The following IMPDH2 variants were observed in gnomAD, a reference collection of about 807,000 sequenced individuals.
IMPDH2 encodes inosine-5'-monophosphate dehydrogenase 2.
Under a neutral mutation model 57.8 loss-of-function variants are expected in IMPDH2, and 33 were observed. The observed-to-expected ratio is 0.57, with a 90% CI of 0.43 to 0.76. IMPDH2 has a LOEUF of 0.76. Among genes scored for constraint, IMPDH2 ranks in the 30% least tolerant of loss-of-function variants. The pLI is 0.00. For missense variants in IMPDH2, 446 were observed against 659.1 expected, an observed-to-expected ratio of 0.68 and a Z score of 3.54; for synonymous variants, 270 against 241.3, an observed-to-expected ratio of 1.12 and a Z score of -1.10.
At chr3:49,026,073 A>C in intron 9 of IMPDH2, 1 of 608,830 alleles carries the variant, frequency 1.6e-6, no homozygotes, top group Non-Finnish European at 3.1e-6. Context: ...GCCACTAAAT[A>C]AAACAAACAG....
Position 49,029,127 on chromosome 3 carries a change from G to C in IMPDH2, c.98+126C>G, listed in dbSNP as rs768337472. The C allele has an allele frequency of 9.8e-5, 74 of 758,248 alleles. No homozygotes were observed. In the Admixed American group the frequency reaches 1.4e-3, roughly 15 times the overall value. The allele number at this position is 758,248 out of a possible 1,614,324, so 47.0% of individuals were successfully genotyped here. A position where few individuals can be genotyped will look rare whatever the true frequency, so the allele number is the denominator to read the frequency against. On this transcript the variant is annotated intron_variant, in intron 1 of 13. Coordinates refer to ENST00000326739, the MANE Select transcript of IMPDH2 (RefSeq NM_000884.3). Reference sequence around the variant, plus strand: ...ATGTCTCAAAGTGAGCCCCGGAGGTGGGTGGCCAATTCCCGAAACCTGTCC... The same window carrying C: ...ATGTCTCAAAGTGAGCCCCGGAGGTCGGTGGCCAATTCCCGAAACCTGTCC...
rs765026618 is a variant in IMPDH2 at position 49,026,740 on chromosome 3, C to T, written c.766G>A (p.Asp256Asn). ...CGAAIGTHED[D>N]KYRLDLLAQA... ...GCGAGCAAGTCCAGCCTATACTTGT[C>T]ATCCTCATGAGTGCCAATGGCTGCC... The change falls in exon 7 of 14, where the codon GAC becomes AAC. Residue 256 changes from aspartate to asparagine, a missense_variant. Transcript: ENST00000326739. The T allele has an allele frequency of 3.1e-6, 5 of 1,614,118 alleles. No homozygotes were observed. In the East Asian group the frequency reaches 8.9e-5, roughly 29 times the overall value.
Position 49,026,383 on chromosome 3 carries a change from G to C in IMPDH2, c.947C>G (p.Ala316Gly). The C allele has an allele frequency of 6.2e-7, 1 of 1,613,768 alleles. No homozygotes were observed. The highest frequency in any genetic ancestry group is 8.5e-7 in the Non-Finnish European group (1 of 1,179,814). ...GCCCACCCGCAGGGCATCCACACCT[G>C]CATCAATGAGGTTCTTGGCCTGGGC... ...TAAQAKNLID[A>G]GVDALRVGMG... Residue 316 changes from alanine to glycine, a missense_variant, in exon 9 of 14, where the codon GCA (alanine) becomes GGA (glycine). Physicochemically the swap from Ala to Gly is moderately conservative, Grantham distance 60. Coordinates refer to ENST00000326739, the MANE Select transcript of IMPDH2 (RefSeq NM_000884.3).
In IMPDH2 at chr3:49,026,366, G is replaced by A. The variant is rs766946451; in HGVS notation, c.964C>T (p.Arg322Trp). The change falls in exon 9 of 14, where the codon CGG becomes TGG. Residue 322 changes from arginine (R) to tryptophan (W), a missense_variant. Coordinates refer to ENST00000326739, the MANE Select transcript of IMPDH2 (RefSeq NM_000884.3). ...ATGGAGCCACTTCCCATGCCCACCC[G>A]CAGGGCATCCACACCTGCATCAATG... is the stretch of plus-strand genomic sequence containing the variant. ...NLIDAGVDAL[R>W]VGMGSGSICI... 3 of 1,613,524 alleles carry A rather than the reference G, an allele frequency of 1.9e-6. No individual in the cohort carries two copies. Among genetic ancestry groups the A allele is most frequent in the Non-Finnish European group, 2.5e-6 (3 of 1,179,750 alleles).
At position 49,025,023 on chromosome 3, in the gene IMPDH2, GGA is replaced by G; in HGVS notation, c.1166_1167del (p.Leu389ProfsTer6). ...CCAGGGGCCTCAGTGGTGGCAGCCAGGAGAGAGCCCATCATGACTGCGGACAG... is the reference window on the plus strand; with the variant it reads ...CCAGGGGCCTCAGTGGTGGCAGCCAGGAGAGCCCATCATGACTGCGGACAG... ...LGASTVMMGS[L>X]LAATTEAPGE... On this transcript the variant is annotated frameshift_variant, in exon 11 of 14. Transcript: ENST00000326739. LOFTEE classifies it high-confidence loss of function. 1.2e-6 allele frequency: 2 copies of G among 1,614,286 alleles called. No homozygotes were observed. The highest frequency in any genetic ancestry group is 1.7e-6 in the Non-Finnish European group (2 of 1,180,056).
At position 49,026,342 on chromosome 3, in the gene IMPDH2, T is replaced by C. The variant is rs766349102; in HGVS notation, c.988A>G (p.Ile330Val). 2 of 1,612,048 alleles carry C rather than the reference T, an allele frequency of 1.2e-6. No homozygotes were observed. Among genetic ancestry groups the C allele is most frequent in the South Asian group, 1.1e-5 (1 of 90,716 alleles). The part of the protein sequence containing the change: ...ALRVGMGSGS[I>V]CITQEVLACG... The stretch of plus-strand genomic sequence containing the variant: ...TTCTTACCTTCCTGCGTAATGCAGA[T>C]GGAGCCACTTCCCATGCCCACCCGC... Residue 330 changes from isoleucine (I) to valine (V), a missense_variant, in exon 9 of 14, where the codon ATC becomes GTC. Ile to Val is a conservative substitution (Grantham distance 29, BLOSUM62 3). Transcript: ENST00000326739.
chr3:49,024,384 C>T lies in IMPDH2; in HGVS notation c.1544G>A (p.Ter515=). The T allele has an allele frequency of 1.9e-6, 3 of 1,614,004 alleles. No individual in the cohort carries two copies. The highest frequency in any genetic ancestry group is 2.5e-6 in the Non-Finnish European group (3 of 1,179,988). ...CGAGGAGGTGTGCTGGATCCCTTTT[C>T]AGAAAAGCCGCTTCTCATACCTGCA... ...SLHSYEKRLF[*] Residue 515 remains the stop codon, a stop_retained_variant, in exon 14 of 14, where the codon TGA becomes TAA. Coordinates refer to ENST00000326739, the MANE Select transcript of IMPDH2 (RefSeq NM_000884.3).
rs72624909 is a variant in IMPDH2 at position 49,028,596 on chromosome 3, C to G, written c.148-64G>C. Reference sequence around the variant, plus strand: ...CTTACACCTCAAGGTGTTACTGAGTCCCCCACAAAAAGGCACTTTTGTATG... The same window carrying G: ...CTTACACCTCAAGGTGTTACTGAGTGCCCCACAAAAAGGCACTTTTGTATG... On this transcript the variant is annotated intron_variant, in intron 2 of 13. Transcript: ENST00000326739. 37 of 1,439,588 alleles carry G rather than the reference C, an allele frequency of 2.6e-5. No homozygotes were observed. The East Asian group carries it at 8.4e-4, about 33-fold the overall frequency. The allele number at this position is 1,439,588 out of a possible 1,614,324, so 89.2% of individuals were successfully genotyped here.
chr3:49,026,727 A>G lies in IMPDH2; in HGVS notation c.779T>C (p.Leu260Pro). Residue 260 changes from leucine to proline, a missense_variant, in exon 7 of 14, where the codon CTG (leucine) becomes CCG (proline). Transcript: ENST00000326739. Reference sequence around the variant, plus strand: ...CACACCAGCCTGGGCGAGCAAGTCCAGCCTATACTTGTCATCCTCATGAGT... The same window carrying G: ...CACACCAGCCTGGGCGAGCAAGTCCGGCCTATACTTGTCATCCTCATGAGT... ...IGTHEDDKYRLDLLAQAGVDV... is the reference protein window; with the variant it reads ...IGTHEDDKYRPDLLAQAGVDV... The G allele has an allele frequency of 6.2e-7, 1 of 1,614,216 alleles. No individual in the cohort carries two copies. The highest frequency in any genetic ancestry group is 8.5e-7 in the Non-Finnish European group (1 of 1,180,030).
Position 49,025,115 on chromosome 3 carries a change from C to T in IMPDH2, c.1150+11G>A, listed in dbSNP as rs1189868689. 1 of 1,614,090 alleles carries T rather than the reference C, an allele frequency of 6.2e-7. No individual in the cohort carries two copies. Among genetic ancestry groups the T allele is most frequent in the African/African-American group, 1.3e-5 (1 of 74,942 alleles). On this transcript the variant is annotated intron_variant, in intron 10 of 13. Coordinates refer to ENST00000326739, the MANE Select transcript of IMPDH2 (RefSeq NM_000884.3). Reference sequence around the variant, plus strand: ...GGGGTCCCACTGGCCTTCACGGGTACTGGGCCTCACCTGTGGAGGCCCCAA... The same window carrying T: ...GGGGTCCCACTGGCCTTCACGGGTATTGGGCCTCACCTGTGGAGGCCCCAA...
chr3:49,026,770 A>G lies in IMPDH2; in HGVS notation c.736T>C (p.Cys246Arg), dbSNP rs779164229. Residue 246 changes from cysteine to arginine, a missense_variant, in exon 7 of 14, where the codon TGT (cysteine) becomes CGT (arginine). By Grantham distance (180) the Cys-to-Arg change is radical. Transcript: ENST00000326739. ...ASKDAKKQLLCGAAIGTHEDD... is the reference protein window; with the variant it reads ...ASKDAKKQLLRGAAIGTHEDD... ...TCATGAGTGCCAATGGCTGCCCCAC[A>G]CAGCAGCTGTTTCTTGGCATCTTTG... The G allele has an allele frequency of 2.5e-6, 4 of 1,614,150 alleles. No individual in the cohort carries two copies. The highest frequency in any genetic ancestry group is 2.5e-6 in the Non-Finnish European group (3 of 1,180,006).
chr3:49,025,288 A>G lies in IMPDH2; in HGVS notation c.1007-19T>C, dbSNP rs2093193324. The G allele has an allele frequency of 6.2e-7, 1 of 1,614,070 alleles. No homozygotes were observed. The highest frequency in any genetic ancestry group is 1.3e-5 in the African/African-American group (1 of 74,946). ...GCCAGCACTGTTGAGATGGAGGAACACATGGGTGGATAGGGTTAATGGGGA... is the reference window on the plus strand; with the variant it reads ...GCCAGCACTGTTGAGATGGAGGAACGCATGGGTGGATAGGGTTAATGGGGA... On this transcript the variant is annotated intron_variant, in intron 9 of 13. Coordinates refer to ENST00000326739, the MANE Select transcript of IMPDH2 (RefSeq NM_000884.3).
At chr3:49,028,590 C>G in intron 2 of IMPDH2, 58 bp from the exon 3 acceptor site, 1 of 1,438,786 alleles carries the variant, frequency 7.0e-7, no homozygotes, top group Non-Finnish European at 9.8e-7. Flanking sequence ...CAAGGTGTTA[C>G]TGAGTCCCCC....
Position 49,026,531 on chromosome 3 carries a change from T to C in IMPDH2, c.898A>G (p.Ile300Val). Residue 300 changes from isoleucine to valine, a missense_variant, in exon 8 of 14, where the codon ATT becomes GTT. Coordinates refer to ENST00000326739, the MANE Select transcript of IMPDH2 (RefSeq NM_000884.3). ...AATCTTGCCTTACCATTGCCTCCAA[T>C]GACTTGGAGATTAGGGTATTTGTCT... ...IKDKYPNLQV[I>V]GGNVVTAAQA... is the part of the protein sequence containing the mutation. 1 of 1,610,918 alleles carries C rather than the reference T, an allele frequency of 6.2e-7. No individual in the cohort carries two copies. The highest frequency in any genetic ancestry group is 8.5e-7 in the Non-Finnish European group (1 of 1,177,014).
Position 49,024,809 on chromosome 3 carries a change from G to A in IMPDH2, c.1296-7C>T, listed in dbSNP as rs532190229. The A allele has an allele frequency of 1.1e-5, 17 of 1,614,184 alleles. No individual in the cohort carries two copies. The South Asian group carries it at 1.8e-4, about 17-fold the overall frequency. On this transcript the variant is annotated splice_region_variant and splice_polypyrimidine_tract_variant and intron_variant, in intron 11 of 13. Coordinates refer to ENST00000326739, the MANE Select transcript of IMPDH2 (RefSeq NM_000884.3). ...TTTGATTTTGTCAGCTTCACTGCAGGGAGAGGCAGAGACACGGGCAAGGTC... is the reference window on the plus strand; with the variant it reads ...TTTGATTTTGTCAGCTTCACTGCAGAGAGAGGCAGAGACACGGGCAAGGTC...
intron 6 of IMPDH2, 30 bp downstream of exon 6, chr3:49,026,930 T>A (rs965968621): frequency 6.2e-7 from 1 of 1,613,606 alleles, no homozygotes; most frequent in African/African-American, 1.3e-5. Flanking sequence ...AGGCATTAGT[T>A]CCAGGCCCTT....
chr3:49,027,932 G>GA lies in IMPDH2; in HGVS notation c.325-17dup. 6.3e-7 allele frequency: 1 copy of GA among 1,585,064 alleles called. No individual in the cohort carries two copies. Among genetic ancestry groups the GA allele is most frequent in the African/African-American group, 1.3e-5 (1 of 74,488 alleles). Reference sequence around the variant, plus strand: ...GTTCATATTTCTGGAAAGGGATGGTGAGAAAGGGCATCGCATCTTTGAACT... The same window carrying GA: ...GTTCATATTTCTGGAAAGGGATGGTGAAGAAAGGGCATCGCATCTTTGAACT... On this transcript the variant is annotated splice_polypyrimidine_tract_variant and intron_variant, in intron 4 of 13. Coordinates refer to ENST00000326739, the MANE Select transcript of IMPDH2 (RefSeq NM_000884.3).
At chr3:49,028,586 G>T in intron 2 of IMPDH2, 54 bp from the exon 3 acceptor site, 1 of 1,463,420 alleles carries the variant, frequency 6.8e-7, no homozygotes. Flanking sequence ...ACCTCAAGGT[G>T]TTACTGAGTC....
rs778516811 is a variant in IMPDH2, at chr3:49,025,078, A to G, written c.1151-38T>C. The G allele has an allele frequency of 4.3e-6, 7 of 1,614,232 alleles. No individual in the cohort carries two copies. In the Admixed American group the frequency reaches 1.0e-4, roughly 23 times the overall value. On this transcript the variant is annotated intron_variant, in intron 10 of 13. Transcript: ENST00000326739. ...GGAGTGCTTGGGTTAGAGCCTAAGC[A>G]GCACTAGGGAGGGGGTCCCACTGGC...
Sources: allele counts gnomAD v4.1 joint callset, GRCh38; gene constraint gnomAD v4.1.1; transcripts MANE v1.5; gene names NCBI Gene and HGNC (gene_info 2026-07-23, HGNC 2026-07-21).